TDRD1: variants seen among roughly 807,000 people sequenced by gnomAD.
The protein encoded by TDRD1 is tudor domain containing 1.
Under a neutral mutation model 140.6 loss-of-function variants are expected in TDRD1, and 37 were observed. The observed-to-expected ratio is 0.26, with a 90% CI of 0.20 to 0.35. The LOEUF (loss-of-function observed/expected upper bound fraction) is 0.35. Among genes scored for constraint, TDRD1 ranks in the 10% least tolerant of loss-of-function variants. TDRD1 has a pLI of 1.00. For missense variants in TDRD1, 1,243 were observed against 1,393.0 expected (o/e 0.89, Z 1.71); for synonymous variants, 506 against 475.7 (o/e 1.06, Z -0.83).
intron 2 of TDRD1, 116 bp from the exon 3 acceptor site, chr10:114,190,845 A>G: frequency 3.1e-6 from 3 of 965,564 alleles, no homozygotes; most frequent in Non-Finnish European, 4.9e-6. Context: ...GTGTAGCTAT[A>G]AGGTCATTGT....
upstream of TDRD1, among the ~76,000 whole-genome samples, chr10:114,177,748 T>C (rs1386574124): frequency 6.6e-6 from 1 of 152,208 alleles, no homozygotes; most frequent in Non-Finnish European, 1.5e-5. Context: ...AAATGTATCA[T>C]GCTAACAGAC....
intron 18 of TDRD1, among the ~76,000 whole-genome samples, chr10:114,219,063 A>AG (rs2035980972): frequency 6.6e-6 from 1 of 152,240 alleles, no homozygotes; most frequent in South Asian, 2.1e-4. Context: ...ATGAAGGTTT[A>AG]GGACAGGGTC....
At chr10:114,218,645 G>A (rs1223872585) in intron 18 of TDRD1, 61 bp downstream of exon 18, 4 of 1,155,816 alleles carry the variant, frequency 3.5e-6, no homozygotes, top group Non-Finnish European at 4.9e-6. Flanking sequence ...TAATCCAAGT[G>A]TTAATATCTA....
intron 3 of TDRD1, among the ~76,000 whole-genome samples, chr10:114,195,854 A>G (rs1294032276): frequency 6.6e-6 from 1 of 152,150 alleles, no homozygotes; most frequent in African/African-American, 2.4e-5. Context: ...TTACTTGAAT[A>G]CTTTCAGTAA....
At chr10:114,199,932 G>T (rs967311801) in intron 4 of TDRD1, among the ~76,000 whole-genome samples, 2 of 152,142 alleles carry the variant, frequency 1.3e-5, no homozygotes, top group Admixed American at 6.5e-5. Flanking sequence ...ACAAGTGTTC[G>T]TGTGGACATA....
exon 24 of TDRD1, chr10:114,227,949 A>T: frequency 6.2e-7 from 1 of 1,613,854 alleles, no homozygotes; most frequent in Non-Finnish European, 8.5e-7. Flanking sequence ...ACAGAGTTAC[A>T]GAAACAAGTA....
chr10:114,216,479 T>C (rs2035822618), intron 16 of TDRD1, among the ~76,000 whole-genome samples: 1 of 152,228 alleles, frequency 6.6e-6, no homozygotes, highest in African/African-American at 2.4e-5. Flanking sequence ...AATAAGGACA[T>C]TAAACTAGAT....
intron 16 of TDRD1, among the ~76,000 whole-genome samples, chr10:114,215,118 T>C (rs1212615992): frequency 6.6e-6 from 1 of 152,174 alleles, no homozygotes; most frequent in Non-Finnish European, 1.5e-5. Flanking sequence ...TTGAACTTTC[T>C]AGAAATGGAA....
chr10:114,212,353 A>G (rs1030535383), intron 14 of TDRD1, among the ~76,000 whole-genome samples: 3 of 152,300 alleles, frequency 2.0e-5, no homozygotes, highest in East Asian at 1.9e-4. Context: ...CTTAGGCTAC[A>G]TTCCCACAGG....
At chr10:114,225,119 G>A (rs1489588243) in intron 21 of TDRD1, among the ~76,000 whole-genome samples, 2 of 152,118 alleles carry the variant, frequency 1.3e-5, no homozygotes, top group African/African-American at 4.8e-5. Flanking sequence ...TCTGCCTCAC[G>A]TTCTCCAGTC....
At chr10:114,221,734 A>G (rs867647648) in intron 20 of TDRD1, among the ~76,000 whole-genome samples, 1 of 152,222 alleles carries the variant, frequency 6.6e-6, no homozygotes, top group South Asian at 2.1e-4. Flanking sequence ...TAATTACTGT[A>G]TAATTTCTTG....
chr10:114,175,146 T>C (rs1175939340), upstream of TDRD1, among the ~76,000 whole-genome samples: 2 of 152,140 alleles, frequency 1.3e-5, no homozygotes, highest in Non-Finnish European at 2.9e-5. Flanking sequence ...TGAAGCACAT[T>C]TTGCAGTTAA....
chr10:114,196,370 T>G (rs1417027684), intron 3 of TDRD1, among the ~76,000 whole-genome samples: 1 of 152,248 alleles, frequency 6.6e-6, no homozygotes, highest in Non-Finnish European at 1.5e-5. Context: ...TTTTCTTTCA[T>G]CTGAAAAGTC....
chr10:114,204,125 A>G (rs144219369), exon 9 of TDRD1: 1 of 1,605,914 alleles, frequency 6.2e-7, no homozygotes. Context: ...AAGAAGGCAC[A>G]TGTCTTATAT....
chr10:114,232,304 TAAA>T (rs34333397), downstream of TDRD1: 7,988 of 132,566 alleles, frequency 0.06, 235 homozygotes, highest in South Asian at 0.08. Flanking sequence ...AGTTTAAGGT[TAAA>T]AAAAAAAAAA....
intron 17 of TDRD1, among the ~76,000 whole-genome samples, chr10:114,218,157 A>G (rs1300745312): frequency 6.6e-6 from 1 of 152,234 alleles, no homozygotes; most frequent in African/African-American, 2.4e-5. Flanking sequence ...TTTATTGGAT[A>G]GGTTATGAAT....
chr10:114,204,091 A>C, exon 9 of TDRD1: 1 of 1,606,322 alleles, frequency 6.2e-7, no homozygotes, highest in Non-Finnish European at 8.5e-7. Context: ...CAGAGCAATC[A>C]TACAAAACGT....
At chr10:114,189,700 T>C in intron 2 of TDRD1, among the ~76,000 whole-genome samples, 1 of 152,178 alleles carries the variant, frequency 6.6e-6, no homozygotes, top group East Asian at 1.9e-4. Flanking sequence ...CAAACGATCC[T>C]CCTGCCTCAG....
intron 3 of TDRD1, among the ~76,000 whole-genome samples, chr10:114,198,939 T>A (rs2034551333): frequency 6.6e-6 from 1 of 152,234 alleles, no homozygotes; most frequent in Non-Finnish European, 1.5e-5. Flanking sequence ...CCAGACATCT[T>A]ATTGCCATGT....
Sources: allele counts gnomAD v4.1 joint callset (sites outside exome capture counted in the v4.1 genomes callset), GRCh38; gene constraint gnomAD v4.1.1; transcripts MANE v1.5; gene names NCBI Gene and HGNC (gene_info 2026-07-23, HGNC 2026-07-21).